CREB1: variants seen among roughly 807,000 people sequenced by gnomAD.
The protein encoded by CREB1 is cyclic AMP-responsive element-binding protein 1.
In CREB1, 2 loss-of-function variants were observed where a neutral mutation model predicts 42.0. The observed-to-expected ratio is 0.05, with a 90% CI of 0.02 to 0.15. The LOEUF (loss-of-function observed/expected upper bound fraction) is 0.15, where lower values mean the gene tolerates loss of function less well. Ranked by LOEUF, CREB1 falls within the 10% of genes least tolerant of loss-of-function variation. The pLI is 1.00. For synonymous variants in CREB1, 123 were observed against 139.9 expected (o/e 0.88, Z 0.85); for missense variants, 199 against 388.9 (o/e 0.51, Z 4.11).
At chr2:207,538,550 G>C (rs1381303763) in intron 1 of CREB1, among the ~76,000 whole-genome samples, 2 of 152,204 alleles carry the variant, frequency 1.3e-5, no homozygotes, top group African/African-American at 4.8e-5. Context: ...CCTCTTGGAT[G>C]ATTCTAGGAT....
At chr2:207,589,550 G>GACA (rs1408095247) in intron 7 of CREB1, among the ~76,000 whole-genome samples, 1 of 152,136 alleles carries the variant, frequency 6.6e-6, no homozygotes, top group East Asian at 1.9e-4. Context: ...TTAGTACATG[G>GACA]ACACCTTTGG....
At position 207,598,570 on chromosome 2, in the gene CREB1, G is replaced by C. The variant is rs2086550701; in HGVS notation, c.*1512G>C. ...GGTTATAATTTCTCATTTGGAGCCG[G>C]GCGCAGTGGCTCACGCCTGTAATCC... On this transcript the variant is annotated 3_prime_UTR_variant, in exon 8 of 8. Transcript: ENST00000353267. 5.7e-6 allele frequency: 1 copy of C among 176,966 alleles called. No homozygotes were observed. The highest frequency in any genetic ancestry group is 1.2e-5 in the Non-Finnish European group (1 of 82,292). 11.0% of individuals were successfully genotyped at this position (176,966 alleles called of 1,614,324 possible). A position where few individuals can be genotyped will look rare whatever the true frequency, so the allele number is the denominator to read the frequency against.
At position 207,543,543 on chromosome 2, in the gene CREB1, C is replaced by T. The variant is rs572556369; in HGVS notation, c.-8-12085C>T. On this transcript the variant is annotated intron_variant, in intron 1 of 7. Coordinates refer to ENST00000353267, the MANE Select transcript of CREB1 (RefSeq NM_004379.5). ...CGTAGTCTTCATCACTCTTGTAGTA[C>T]TGCATTATCTCTTTGTAAAGTTTTC... 3.3e-5 allele frequency among the ~76,000 whole-genome samples: 5 copies of T among 152,138 alleles called. No homozygotes were observed. In the South Asian group the frequency reaches 6.2e-4, roughly 19 times the overall value.
intron 7 of CREB1, 128 bp from the exon 8 acceptor site, chr2:207,596,786 A>G: frequency 1.9e-6 from 2 of 1,077,038 alleles, no homozygotes; most frequent in South Asian, 3.1e-5. Flanking sequence ...TATCTTTTCC[A>G]ATGCTTAATA....
In CREB1 at chr2:207,597,397, A is replaced by G. The variant is rs182906174; in HGVS notation, c.*339A>G. 1.1e-5 allele frequency: 3 copies of G among 269,586 alleles called. No individual in the cohort carries two copies. The East Asian group carries it at 1.8e-4, about 17-fold the overall frequency. The allele number at this position is 269,586 out of a possible 1,614,324, so 16.7% of individuals were successfully genotyped here. On this transcript the variant is annotated 3_prime_UTR_variant, in exon 8 of 8. Coordinates refer to ENST00000353267, the MANE Select transcript of CREB1 (RefSeq NM_004379.5). ...GAAAATCTTTTTAAAAATGATTTCAAGGTTTGTGCTGAGCTCCTTGATTGC... is the reference window on the plus strand; with the variant it reads ...GAAAATCTTTTTAAAAATGATTTCAGGGTTTGTGCTGAGCTCCTTGATTGC...
intron 7 of CREB1, among the ~76,000 whole-genome samples, chr2:207,588,751 G>C (rs1473071849): frequency 1.3e-5 from 2 of 150,702 alleles, no homozygotes; most frequent in Non-Finnish European, 3.0e-5. Context: ...TTGTGTGTGG[G>C]GGTGGGGGGA....
chr2:207,548,090 G>A lies in CREB1; in HGVS notation c.-8-7538G>A, dbSNP rs375995155. Among the ~76,000 whole-genome samples the A allele has an allele frequency of 5.2e-4, 79 of 151,984 alleles. 1 individual carries two copies. Among genetic ancestry groups the A allele is most frequent in the East Asian group, 2.9e-3 (15 of 5,136 alleles). On this transcript the variant is annotated intron_variant, in intron 1 of 7. Coordinates refer to ENST00000353267, the MANE Select transcript of CREB1 (RefSeq NM_004379.5). The stretch of plus-strand genomic sequence containing the variant: ...TGGGATTACAGGTGCACACCACCAC[G>A]CCCAGCTAATTTTTGTATTTTTAGT...
chr2:207,531,229 A>G (rs991515029), intron 1 of CREB1, among the ~76,000 whole-genome samples: 2 of 152,054 alleles, frequency 1.3e-5, no homozygotes, highest in African/African-American at 2.4e-5. Context: ...AACCTTGCCA[A>G]CCGCGTTTGG....
At chr2:207,567,431 A>G in intron 3 of CREB1, 32 bp from the exon 4 acceptor site, 1 of 1,485,188 alleles carries the variant, frequency 6.7e-7, no homozygotes, top group Non-Finnish European at 9.3e-7. Context: ...ACTAAATTTG[A>G]TTATCAATAT....
intron 7 of CREB1, among the ~76,000 whole-genome samples, chr2:207,596,315 CTTAG>C (rs2086149028): frequency 6.6e-6 from 1 of 152,190 alleles, no homozygotes; most frequent in African/African-American, 2.4e-5. Flanking sequence ...TTAATGTTTT[CTTAG>C]TTATTGATAT....
rs2086406298 is a variant in CREB1, at chr2:207,597,766, A to G, written c.*708A>G. On this transcript the variant is annotated 3_prime_UTR_variant, in exon 8 of 8. Transcript: ENST00000353267. ...TTCTGTATGTGTTCAACATTTTTGA[A>G]TACATTAAAAGAAGTAACCAACTGA... 5.0e-6 allele frequency: 1 copy of G among 201,534 alleles called. No homozygotes were observed. The highest frequency in any genetic ancestry group is 1.0e-5 in the Non-Finnish European group (1 of 97,986). The allele number at this position is 201,534 out of a possible 1,614,324, so 12.5% of individuals were successfully genotyped here.
chr2:207,574,499 T>C (rs1211318240), intron 5 of CREB1, among the ~76,000 whole-genome samples: 1 of 152,216 alleles, frequency 6.6e-6, no homozygotes, highest in Non-Finnish European at 1.5e-5. Context: ...AAATATCTAC[T>C]AGTATGAGCA....
intron 7 of CREB1, among the ~76,000 whole-genome samples, chr2:207,593,674 T>C (rs2085515540): frequency 6.6e-6 from 1 of 151,992 alleles, no homozygotes; most frequent in Non-Finnish European, 1.5e-5. Flanking sequence ...TGCTAGGCAC[T>C]ATATTGTGTG....
At chr2:207,574,719 G>A (rs894609572) in intron 5 of CREB1, among the ~76,000 whole-genome samples, 1 of 152,172 alleles carries the variant, frequency 6.6e-6, no homozygotes, top group East Asian at 1.9e-4. Flanking sequence ...GGATATTTCA[G>A]TTGTTTCATT....
intron 7 of CREB1, among the ~76,000 whole-genome samples, chr2:207,579,426 TTATGTC>T (rs1374242356): frequency 6.6e-6 from 1 of 152,186 alleles, no homozygotes; most frequent in Non-Finnish European, 1.5e-5. Context: ...GGACTTCTGT[TTATGTC>T]TATGTAGTTT....
chr2:207,570,310 G>A lies in CREB1; in HGVS notation c.494G>A (p.Ser165Asn). ...TVPTPIYQTS[S>N]GQYIAITQGG... The stretch of plus-strand genomic sequence containing the variant: ...CCAACTCCAATTTACCAAACTAGCA[G>A]TGGACAGTATAGTGAGTAATAGACA... Residue 165 changes from serine (S) to asparagine (N), a missense_variant, in exon 5 of 8, where the codon AGT (serine) becomes AAT (asparagine). Around this residue, in one of 4 missense-constraint regions of CREB1, gnomAD observed 66 missense variants for 150.8 expected, o/e 0.44. Transcript: ENST00000353267. 6.2e-7 allele frequency: 1 copy of A among 1,611,722 alleles called. No homozygotes were observed. Among genetic ancestry groups the A allele is most frequent in the Non-Finnish European group, 8.5e-7 (1 of 1,178,920 alleles).
At chr2:207,570,418 C>A in intron 5 of CREB1, 97 bp downstream of exon 5, 1 of 1,189,640 alleles carries the variant, frequency 8.4e-7, no homozygotes, top group Non-Finnish European at 1.2e-6. Context: ...AATACAAGTG[C>A]CAAGTCTTCT....
intron 4 of CREB1, 184 bp downstream of exon 4, chr2:207,567,747 A>G: frequency 2.5e-6 from 1 of 405,662 alleles, no homozygotes; most frequent in South Asian, 5.3e-5. Flanking sequence ...AGCACTTGTT[A>G]CTCTCACCAG....
In CREB1 at chr2:207,578,178, G is replaced by A. The variant is rs145067533; in HGVS notation, c.839+523G>A. On this transcript the variant is annotated intron_variant, in intron 7 of 7. Coordinates refer to ENST00000353267, the MANE Select transcript of CREB1 (RefSeq NM_004379.5). Reference sequence around the variant, plus strand: ...TTAATTCTAAGAATACCATGTTACGGACAAAAATCTTAAAATATAGTCTTC... The same window carrying A: ...TTAATTCTAAGAATACCATGTTACGAACAAAAATCTTAAAATATAGTCTTC... 1,071 of 152,256 alleles carry A rather than the reference G, an allele frequency of 7.0e-3. 6 individuals carry two copies. Among genetic ancestry groups the A allele is most frequent in the Non-Finnish European group, 0.011 (767 of 68,170 alleles). 9.4% of individuals were successfully genotyped at this position (152,256 alleles called of 1,614,324 possible).
Sources: gnomAD v4.1 joint callset for allele counts (sites outside exome capture counted in the v4.1 genomes callset) on GRCh38, gnomAD v4.1.1 for gene constraint, gnomAD v4.1.1 regional missense constraint, MANE v1.5 for transcripts, NCBI Gene and HGNC (gene_info 2026-07-23, HGNC 2026-07-21) for gene names.